The following ARB2A variants were observed in gnomAD, a reference collection of about 807,000 sequenced individuals.
ARB2A encodes the protein ARB2 cotranscriptional regulator A.
the ARB2A span, among the ~76,000 whole-genome samples, chr5:93,775,123 T>C: frequency 3.9e-5 from 6 of 152,188 alleles, no homozygotes; most frequent in East Asian, 1.9e-4. Flanking sequence ...CCCTGGCTTA[T>C]AGACTTATAA....
At chr5:93,778,541 T>G in the ARB2A span, among the ~76,000 whole-genome samples, 1 of 152,166 alleles carries the variant, frequency 6.6e-6, no homozygotes, top group Non-Finnish European at 1.5e-5. Context: ...AAGAATGACT[T>G]TCTCTTTCTC....
the ARB2A span, among the ~76,000 whole-genome samples, chr5:93,828,247 T>A: frequency 6.6e-6 from 1 of 152,212 alleles, no homozygotes; most frequent in Non-Finnish European, 1.5e-5. Context: ...TTCCATTTGT[T>A]TGTATCCTCT....
chr5:93,907,527 T>C, the ARB2A span, among the ~76,000 whole-genome samples: 4 of 151,454 alleles, frequency 2.6e-5, no homozygotes, highest in East Asian at 3.9e-4. Context: ...ACAATGGCAA[T>C]TGGAGCTTTT....
chr5:93,772,472 A>T, the ARB2A span, among the ~76,000 whole-genome samples: 6 of 152,266 alleles, frequency 3.9e-5, no homozygotes, highest in Admixed American at 6.5e-5. Context: ...TAAAATAAAA[A>T]AATTTAAAAA....
the ARB2A span, among the ~76,000 whole-genome samples, chr5:93,703,174 T>C: frequency 6.6e-6 from 1 of 152,164 alleles, no homozygotes; most frequent in Non-Finnish European, 1.5e-5. Context: ...TATTTGTAAG[T>C]ATACAATACA....
chr5:93,639,282 C>T, the ARB2A span, among the ~76,000 whole-genome samples: 14 of 152,156 alleles, frequency 9.2e-5, no homozygotes, highest in African/African-American at 2.7e-4. Context: ...GAATCAGTTA[C>T]GCTCCTAACA....
At chr5:93,977,431 G>A in the ARB2A span, among the ~76,000 whole-genome samples, 1 of 152,094 alleles carries the variant, frequency 6.6e-6, no homozygotes, top group Non-Finnish European at 1.5e-5. Flanking sequence ...ATAGGCCAAT[G>A]GAACAGAATA....
chr5:93,820,975 C>A, the ARB2A span, among the ~76,000 whole-genome samples: 5 of 151,940 alleles, frequency 3.3e-5, no homozygotes, highest in Admixed American at 6.6e-5. Flanking sequence ...TAGATCTAAT[C>A]AAGTTCTAAG....
the ARB2A span, among the ~76,000 whole-genome samples, chr5:93,661,416 T>C: frequency 2.0e-5 from 3 of 152,200 alleles, no homozygotes; most frequent in Non-Finnish European, 4.4e-5. Flanking sequence ...TGAAGCTACA[T>C]TGCTTATGAC....
chr5:93,685,351 A>G, the ARB2A span, among the ~76,000 whole-genome samples: 1 of 152,218 alleles, frequency 6.6e-6, no homozygotes, highest in Non-Finnish European at 1.5e-5. Context: ...GTAATGAATA[A>G]TTAATTTGAG....
the ARB2A span, among the ~76,000 whole-genome samples, chr5:93,880,053 A>AG: frequency 5.3e-5 from 8 of 151,858 alleles, no homozygotes; most frequent in Middle Eastern, 6.3e-3. Context: ...TATGAAAGAA[A>AG]GGGGGTGATA....
chr5:93,967,259 C>A, the ARB2A span, among the ~76,000 whole-genome samples: 6 of 152,092 alleles, frequency 3.9e-5, no homozygotes, highest in Admixed American at 3.9e-4. Context: ...ACTACGCAGG[C>A]TCTAAAATTA....
chr5:93,777,912 C>G, the ARB2A span, among the ~76,000 whole-genome samples: 12 of 151,996 alleles, frequency 7.9e-5, no homozygotes, highest in African/African-American at 2.9e-4. Flanking sequence ...CCAGGGAGAG[C>G]AGGAATAACA....
At chr5:93,879,000 T>C in the ARB2A span, among the ~76,000 whole-genome samples, 1 of 152,242 alleles carries the variant, frequency 6.6e-6, no homozygotes, top group East Asian at 1.9e-4. Context: ...CATCTACCTA[T>C]TAGGCTGTCA....
the ARB2A span, among the ~76,000 whole-genome samples, chr5:93,770,405 G>C: frequency 6.6e-6 from 1 of 152,130 alleles, no homozygotes; most frequent in Non-Finnish European, 1.5e-5. Context: ...ACAAGACAGG[G>C]ATGCCCCCTC....
the ARB2A span, among the ~76,000 whole-genome samples, chr5:93,846,032 C>T: frequency 8.8e-6 from 1 of 113,920 alleles, no homozygotes; most frequent in African/African-American, 3.0e-5. Context: ...CACACACACA[C>T]ACACAATCAC....
the ARB2A span, among the ~76,000 whole-genome samples, chr5:93,815,018 A>T: frequency 9.9e-5 from 15 of 151,566 alleles, no homozygotes; most frequent in Non-Finnish European, 1.9e-4. Flanking sequence ...TTTTAAAAAA[A>T]TTTTTGTACA....
At chr5:93,831,607 G>A in the ARB2A span, among the ~76,000 whole-genome samples, 25 of 152,296 alleles carry the variant, frequency 1.6e-4, no homozygotes, top group African/African-American at 4.6e-4. Flanking sequence ...ACTCCTCAGG[G>A]TGGTAGCAGA....
the ARB2A span, among the ~76,000 whole-genome samples, chr5:93,890,939 C>T: frequency 3.3e-5 from 5 of 152,212 alleles, no homozygotes; most frequent in Non-Finnish European, 2.9e-5. Flanking sequence ...TCATTTCTGC[C>T]TGACAACGCT....
Sources: gnomAD v4.1 joint callset for allele counts (sites outside exome capture counted in the v4.1 genomes callset) on GRCh38, gnomAD v4.1.1 for gene constraint, MANE v1.5 for transcripts, NCBI Gene and HGNC (gene_info 2026-07-23, HGNC 2026-07-21) for gene names.